The following TNFAIP8L3 variants were observed in gnomAD, a reference collection of about 807,000 sequenced individuals.
The protein encoded by TNFAIP8L3 is tumor necrosis factor alpha-induced protein 8-like protein 3.
A neutral mutation model predicts 11.8 loss-of-function variants in TNFAIP8L3; 7 were observed. The ratio of observed to expected loss-of-function variants is 0.59; its 90% CI spans 0.34 to 1.11. The LOEUF is 1.11. Among genes scored for constraint, TNFAIP8L3 ranks in the 50% most tolerant of loss-of-function variants. TNFAIP8L3 has a pLI of 0.03. For synonymous variants in TNFAIP8L3, 98 were observed against 103.8 expected, an observed-to-expected ratio of 0.94 and a Z score of 0.34; for missense variants, 219 against 258.6, an observed-to-expected ratio of 0.85 and a Z score of 1.05.
At chr15:51,086,747 G>A (rs182403240) in intron 1 of TNFAIP8L3, among the ~76,000 whole-genome samples, 10 of 152,232 alleles carry the variant, frequency 6.6e-5, no homozygotes, top group Non-Finnish European at 1.5e-4. Context: ...ACCCAGTCCC[G>A]AATACATTGT....
chr15:51,058,085 G>A lies in TNFAIP8L3; in HGVS notation c.411C>T (p.Leu137=). 6.2e-7 allele frequency: 1 copy of A among 1,614,110 alleles called. No individual in the cohort carries two copies. The highest frequency in any genetic ancestry group is 8.5e-7 in the Non-Finnish European group (1 of 1,179,972). ...GCACCAGGTCCTTGCACTCATGCAG[G>A]AGATTGGAGAGCACGTTCCTATCGA... ...YTFDRNVLSN[L]LHECKDLVHE... Residue 137 remains leucine, a synonymous_variant, in exon 2 of 2, where the codon CTC becomes CTT. Transcript: ENST00000637513.
intron 1 of TNFAIP8L3, among the ~76,000 whole-genome samples, chr15:51,101,240 G>A (rs1165606148): frequency 6.6e-6 from 1 of 152,208 alleles, no homozygotes; most frequent in African/African-American, 2.4e-5. Flanking sequence ...TCCTGCTGCT[G>A]CTAATGCCTA....
intron 1 of TNFAIP8L3, among the ~76,000 whole-genome samples, chr15:51,070,421 G>C (rs954975673): frequency 2.0e-5 from 3 of 152,216 alleles, no homozygotes; most frequent in African/African-American, 4.8e-5. Flanking sequence ...TAAAGTGCTT[G>C]CTCTTCCATG....
chr15:51,079,290 C>T (rs2065375624), intron 1 of TNFAIP8L3, among the ~76,000 whole-genome samples: 1 of 152,238 alleles, frequency 6.6e-6, no homozygotes, highest in South Asian at 2.1e-4. Flanking sequence ...CTTCTGACTT[C>T]TAGGCAATTT....
intron 1 of TNFAIP8L3, among the ~76,000 whole-genome samples, chr15:51,093,126 G>A (rs2065484496): frequency 6.6e-6 from 1 of 152,232 alleles, no homozygotes. Flanking sequence ...TATAGTCACA[G>A]AAACATACAG....
chr15:51,100,089 A>G (rs12591735), intron 1 of TNFAIP8L3, among the ~76,000 whole-genome samples: 30,869 of 152,232 alleles, frequency 0.2, 3,596 homozygotes, highest in East Asian at 0.44. Context: ...CTTTCTTTAA[A>G]CAGAGTCATG....
upstream of TNFAIP8L3, among the ~76,000 whole-genome samples, chr15:51,099,586 T>C (rs1346175734): frequency 6.6e-6 from 1 of 152,206 alleles, no homozygotes; most frequent in Non-Finnish European, 1.5e-5. Flanking sequence ...AGAGCCTCCC[T>C]GATCACACAT....
intron 1 of TNFAIP8L3, among the ~76,000 whole-genome samples, chr15:51,085,574 A>C (rs1053594869): frequency 9.9e-5 from 15 of 152,176 alleles, no homozygotes; most frequent in African/African-American, 3.6e-4. Context: ...AGAAGGAAAA[A>C]CAGCAAAAGT....
chr15:51,086,090 T>C (rs1000126011), intron 1 of TNFAIP8L3, among the ~76,000 whole-genome samples: 1 of 152,144 alleles, frequency 6.6e-6, no homozygotes, highest in African/African-American at 2.4e-5. Flanking sequence ...GTCCTGGGGA[T>C]TGTATATCTG....
intron 1 of TNFAIP8L3, among the ~76,000 whole-genome samples, chr15:51,078,698 C>T (rs1000064894): frequency 3.9e-5 from 6 of 151,958 alleles, no homozygotes; most frequent in African/African-American, 1.4e-4. Flanking sequence ...TTTCTCCAAC[C>T]CTCCTGAAGT....
chr15:51,088,254 C>T (rs1247320645), intron 1 of TNFAIP8L3, among the ~76,000 whole-genome samples: 1 of 152,002 alleles, frequency 6.6e-6, no homozygotes. Context: ...TAAAATTTAG[C>T]TTTGTTGACA....
intron 1 of TNFAIP8L3, among the ~76,000 whole-genome samples, chr15:51,082,316 A>G (rs1455416939): frequency 1.3e-5 from 2 of 152,156 alleles, no homozygotes; most frequent in African/African-American, 4.8e-5. Flanking sequence ...ACACAATGGT[A>G]TTTGTATATC....
At chr15:51,062,940 AAG>A (rs1465062813) in intron 1 of TNFAIP8L3, among the ~76,000 whole-genome samples, 11 of 152,112 alleles carry the variant, frequency 7.2e-5, no homozygotes, top group African/African-American at 2.7e-4. Flanking sequence ...GAGTTAGAGA[AAG>A]AGATGTGATG....
chr15:51,104,963 C>A (rs1180691367), intron 1 of TNFAIP8L3: 1 of 1,613,450 alleles, frequency 6.2e-7, no homozygotes, highest in Admixed American at 1.7e-5. Flanking sequence ...GCCTCCCCGC[C>A]CCTATACTTC....
In TNFAIP8L3 at chr15:51,057,711, G is replaced by A. The variant is rs2065215261; in HGVS notation, c.*170C>T. On this transcript the variant is annotated 3_prime_UTR_variant, in exon 2 of 2. Transcript: ENST00000637513. Reference sequence around the variant, plus strand: ...AGAAACCTTGCTAGAAAGCTTGGAAGAAAAACACACCTGAGCTCAGTTCAG... The same window carrying A: ...AGAAACCTTGCTAGAAAGCTTGGAAAAAAAACACACCTGAGCTCAGTTCAG... The A allele has an allele frequency of 1.6e-6, 1 of 614,308 alleles. No homozygotes were observed. The highest frequency in any genetic ancestry group is 3.6e-5 in the Admixed American group (1 of 28,002). 38.1% of individuals were successfully genotyped at this position (614,308 alleles called of 1,614,324 possible). A position where few individuals can be genotyped will look rare whatever the true frequency, so the allele number is the denominator to read the frequency against.
chr15:51,079,855 CAAAAAAAAAAA>C (rs10602536), intron 1 of TNFAIP8L3, among the ~76,000 whole-genome samples: 12 of 77,626 alleles, frequency 1.5e-4, no homozygotes, highest in South Asian at 5.5e-4. Context: ...GACTTTGTCT[CAAAAAAAAAAA>C]AAAAAAAAAA....
chr15:51,080,776 G>C (rs2065385905), intron 1 of TNFAIP8L3, among the ~76,000 whole-genome samples: 1 of 152,274 alleles, frequency 6.6e-6, no homozygotes, highest in Non-Finnish European at 1.5e-5. Context: ...TGGCAGGCCA[G>C]ATTTGGCCTG....
At chr15:51,073,690 T>G (rs941960381) in intron 1 of TNFAIP8L3, among the ~76,000 whole-genome samples, 5 of 152,218 alleles carry the variant, frequency 3.3e-5, no homozygotes, top group Non-Finnish European at 7.3e-5. Flanking sequence ...ATAACACCGG[T>G]AGAAAACATC....
intron 1 of TNFAIP8L3, among the ~76,000 whole-genome samples, chr15:51,073,090 G>A (rs1272601416): frequency 2.7e-5 from 4 of 149,492 alleles, no homozygotes; most frequent in African/African-American, 9.9e-5. Context: ...TCCACCTCCC[G>A]GTTTCAAGCG....
Sources: gnomAD v4.1 joint callset for allele counts (sites outside exome capture counted in the v4.1 genomes callset) on GRCh38, gnomAD v4.1.1 for gene constraint, MANE v1.5 for transcripts, NCBI Gene and HGNC (gene_info 2026-07-23, HGNC 2026-07-21) for gene names.